Variants in KIAA1217 observed in about 807,000 individuals in gnomAD.
The protein encoded by KIAA1217 is sickle tail protein homolog.
In KIAA1217, 88 loss-of-function variants were observed where a neutral mutation model predicts 163.9. The observed-to-expected ratio is 0.54, with a 90% CI of 0.45 to 0.64. KIAA1217 has a LOEUF of 0.64. Ranked by LOEUF, KIAA1217 falls within the 30% of genes least tolerant of loss-of-function variation. The pLI is 0.00. For synonymous variants in KIAA1217, 903 were observed against 923.1 expected, an observed-to-expected ratio of 0.98 and a Z score of 0.39; for missense variants, 2,372 against 2,475.0, an observed-to-expected ratio of 0.96 and a Z score of 0.88.
chr10:24,265,127 G>A (rs1456322619), intron 2 of KIAA1217, among the ~76,000 whole-genome samples: 12 of 152,196 alleles, frequency 7.9e-5, no homozygotes. Flanking sequence ...GCCACCCAAA[G>A]TGATGAGTGC....
intron 2 of KIAA1217, among the ~76,000 whole-genome samples, chr10:24,056,481 C>T (rs1332517552): frequency 2.0e-5 from 3 of 151,726 alleles, no homozygotes; most frequent in African/African-American, 7.3e-5. Flanking sequence ...GTACTAAGAA[C>T]GTCTAACCTC....
At chr10:24,523,928 T>C (rs112443409) in intron 12 of KIAA1217, among the ~76,000 whole-genome samples, 20 of 152,042 alleles carry the variant, frequency 1.3e-4, no homozygotes, top group African/African-American at 4.3e-4. Context: ...GAGCAACAGG[T>C]TGAGATACAG....
intron 5 of KIAA1217, chr10:24,449,528 T>C: frequency 1.0e-6 from 1 of 985,278 alleles, no homozygotes; most frequent in Non-Finnish European, 1.2e-6. Context: ...GAATTAACTT[T>C]CATAGAGTAG....
intron 2 of KIAA1217, among the ~76,000 whole-genome samples, chr10:24,309,021 G>T (rs999920901): frequency 4.6e-5 from 7 of 151,498 alleles, no homozygotes; most frequent in Non-Finnish European, 1.0e-4. Context: ...TACTTGGGAG[G>T]CTGAGGTCGG....
In KIAA1217 at chr10:23,790,535, A is replaced by G. The variant is rs1315628265; in HGVS notation, c.-321+95301A>G. 1.4e-4 allele frequency among the ~76,000 whole-genome samples: 12 copies of G among 86,388 alleles called. 2 individuals carry two copies. The East Asian group carries it at 2.8e-3, about 20-fold the overall frequency. 56.7% of individuals were successfully genotyped at this position (86,388 alleles called of 152,430 possible). On this transcript the variant is annotated intron_variant, in intron 1 of 18. Coordinates refer to the KIAA1217 transcript ENST00000376462. ...CATATGTATATATACATATATACAT[A>G]TACATGTGCATATATACATATGTAC...
At chr10:24,381,132 G>A in intron 3 of KIAA1217, 65 bp downstream of exon 3, 5 of 1,172,226 alleles carry the variant, frequency 4.3e-6, no homozygotes, top group Non-Finnish European at 5.9e-6. Context: ...TTATACTACT[G>A]AACCTATACT....
At chr10:23,747,931 C>G (rs1839500454) in intron 1 of KIAA1217, among the ~76,000 whole-genome samples, 1 of 152,152 alleles carries the variant, frequency 6.6e-6, no homozygotes, top group African/African-American at 2.4e-5. Context: ...CCTCCCTTAT[C>G]CCCAGGAGTG....
At chr10:24,221,213 G>A (rs1299146000) in intron 2 of KIAA1217, among the ~76,000 whole-genome samples, 1 of 152,164 alleles carries the variant, frequency 6.6e-6, no homozygotes, top group Non-Finnish European at 1.5e-5. Flanking sequence ...TTGGCTGTGT[G>A]CAATTACTTT....
intron 1 of KIAA1217, among the ~76,000 whole-genome samples, chr10:23,731,013 C>T (rs898951958): frequency 1.3e-5 from 2 of 152,200 alleles, no homozygotes; most frequent in Middle Eastern, 3.2e-3. Context: ...CATCAGCTAG[C>T]ACTTCCAGTT....
intron 1 of KIAA1217, among the ~76,000 whole-genome samples, chr10:24,006,894 A>G (rs771467657): frequency 1.5e-4 from 23 of 152,120 alleles, no homozygotes; most frequent in South Asian, 4.1e-4. Context: ...CTGATTCTCA[A>G]TTGGCCTCTC....
intron 5 of KIAA1217, among the ~76,000 whole-genome samples, chr10:24,465,461 A>T (rs2062841036): frequency 6.6e-6 from 1 of 152,182 alleles, no homozygotes; most frequent in Non-Finnish European, 1.5e-5. Context: ...CAACCTCTAA[A>T]AGCCTTAAAA....
At chr10:24,028,978 G>A (rs1322784057) in intron 2 of KIAA1217, among the ~76,000 whole-genome samples, 1 of 152,088 alleles carries the variant, frequency 6.6e-6, no homozygotes, top group Non-Finnish European at 1.5e-5. Flanking sequence ...TAGAATTAGG[G>A]GTCTCCTGAG....
In KIAA1217 at chr10:24,542,645, G is replaced by T. The variant is rs199971436; in HGVS notation, c.3535-48G>T. On this transcript the variant is annotated intron_variant, in intron 17 of 20. Transcript: ENST00000376454. ...CGATTTAGTTATAGTCCACTTTTTT[G>T]GGGGGATGTGGTTTTGTGGAGTAAC... 3,308 of 1,592,950 alleles carry T rather than the reference G, an allele frequency of 2.1e-3. 7 individuals carry two copies. Among genetic ancestry groups the T allele is most frequent in the Non-Finnish European group, 2.5e-3 (2,939 of 1,162,054 alleles).
At chr10:24,238,814 G>A (rs2072651308) in intron 2 of KIAA1217, among the ~76,000 whole-genome samples, 1 of 152,170 alleles carries the variant, frequency 6.6e-6, no homozygotes, top group Non-Finnish European at 1.5e-5. Context: ...CACCAATTAA[G>A]TGCATTGTTA....
intron 1 of KIAA1217, among the ~76,000 whole-genome samples, chr10:23,932,229 G>C (rs1189770358): frequency 6.6e-6 from 1 of 152,174 alleles, no homozygotes; most frequent in Non-Finnish European, 1.5e-5. Context: ...GGAGAAAGGG[G>C]TTGATATTCA....
intron 1 of KIAA1217, among the ~76,000 whole-genome samples, chr10:23,728,035 T>A (rs1483599461): frequency 6.6e-6 from 1 of 152,250 alleles, no homozygotes; most frequent in Non-Finnish European, 1.5e-5. Flanking sequence ...ATTTTCTTTA[T>A]CCAGTCTATC....
At chr10:24,409,178 A>T (rs1305332468) in intron 3 of KIAA1217, among the ~76,000 whole-genome samples, 1 of 152,176 alleles carries the variant, frequency 6.6e-6, no homozygotes, top group Non-Finnish European at 1.5e-5. Context: ...CAGATCCCAA[A>T]GGGGCTTCCA....
chr10:24,103,113 A>G (rs926865387), intron 2 of KIAA1217, among the ~76,000 whole-genome samples: 2 of 152,210 alleles, frequency 1.3e-5, no homozygotes, highest in African/African-American at 4.8e-5. Flanking sequence ...TAAATTACCC[A>G]GTCTTGAGTA....
chr10:24,329,774 T>G (rs1202263405), intron 2 of KIAA1217, among the ~76,000 whole-genome samples: 2 of 152,138 alleles, frequency 1.3e-5, no homozygotes, highest in African/African-American at 4.8e-5. Flanking sequence ...TGGTTCTTCG[T>G]AGACTGCCAT....
Sources: allele counts gnomAD v4.1 joint callset (sites outside exome capture counted in the v4.1 genomes callset), GRCh38; gene constraint gnomAD v4.1.1; transcripts MANE v1.5; gene names NCBI Gene and HGNC (gene_info 2026-07-23, HGNC 2026-07-21).